The following NKAIN2 variants were observed in gnomAD, a reference collection of about 807,000 sequenced individuals.
The protein encoded by NKAIN2 is sodium/potassium-transporting ATPase subunit beta-1-interacting protein 2.
NKAIN2 carries 14 observed loss-of-function variants against 32.6 expected under a neutral mutation model. The ratio of observed to expected loss-of-function variants is 0.43; its 90% CI spans 0.28 to 0.67. The LOEUF is 0.67. Among genes scored for constraint, NKAIN2 ranks in the 30% least tolerant of loss-of-function variants. The pLI is 0.17. For missense variants in NKAIN2, 198 were observed against 258.3 expected (o/e 0.77, Z 1.60); for synonymous variants, 80 against 87.2 (o/e 0.92, Z 0.46).
chr6:124,548,018 T>G (rs1039426394), intron 3 of NKAIN2, among the ~76,000 whole-genome samples: 9 of 152,174 alleles, frequency 5.9e-5, no homozygotes, highest in African/African-American at 2.2e-4. Flanking sequence ...TATTGTTGTG[T>G]GAAATTTGCA....
intron 3 of NKAIN2, among the ~76,000 whole-genome samples, chr6:124,615,302 A>C (rs1199013610): frequency 7.2e-5 from 11 of 152,218 alleles, no homozygotes; most frequent in African/African-American, 2.2e-4. Flanking sequence ...TATTTAGAAA[A>C]ATTTCAGCTA....
At chr6:124,405,215 T>C (rs332602) in intron 3 of NKAIN2, among the ~76,000 whole-genome samples, 24,648 of 152,122 alleles carry the variant, frequency 0.16, 2,289 homozygotes, top group East Asian at 0.24. Context: ...TTTGCAAATA[T>C]GTTTTGTAAG....
chr6:124,425,485 G>A (rs1417696276), intron 3 of NKAIN2, among the ~76,000 whole-genome samples: 1 of 151,952 alleles, frequency 6.6e-6, no homozygotes, highest in Non-Finnish European at 1.5e-5. Context: ...ACACAGCAAA[G>A]GAAAGTATCA....
chr6:124,517,586 GCTC>G (rs932707568), intron 3 of NKAIN2, among the ~76,000 whole-genome samples: 13 of 152,182 alleles, frequency 8.5e-5, no homozygotes, highest in African/African-American at 2.4e-4. Context: ...CCTCTACTCT[GCTC>G]CTCCTCCTTC....
intron 4 of NKAIN2, among the ~76,000 whole-genome samples, chr6:124,745,432 C>G (rs1406441352): frequency 6.6e-6 from 1 of 151,786 alleles, no homozygotes; most frequent in East Asian, 1.9e-4. Context: ...TAGAATATTT[C>G]CCATTAGTGG....
chr6:124,325,489 GA>G (rs371557048), intron 2 of NKAIN2, among the ~76,000 whole-genome samples: 58 of 151,900 alleles, frequency 3.8e-4, no homozygotes, highest in Middle Eastern at 3.4e-3. Context: ...AAAAAAACAG[GA>G]AAAAAATTGT....
intron 1 of NKAIN2, among the ~76,000 whole-genome samples, chr6:124,258,893 G>A (rs191988107): frequency 6.6e-6 from 1 of 152,284 alleles, no homozygotes; most frequent in Admixed American, 6.5e-5. Flanking sequence ...AGGTTACGTA[G>A]TTCCAAGGCA....
intron 3 of NKAIN2, among the ~76,000 whole-genome samples, chr6:124,409,286 A>G (rs1774029786): frequency 6.6e-6 from 1 of 152,138 alleles, no homozygotes; most frequent in African/African-American, 2.4e-5. Flanking sequence ...TTCAAAGGGA[A>G]TGCTTCCAGT....
At chr6:124,512,016 G>T (rs975056364) in intron 3 of NKAIN2, among the ~76,000 whole-genome samples, 2 of 152,212 alleles carry the variant, frequency 1.3e-5, no homozygotes, top group East Asian at 3.9e-4. Flanking sequence ...ATTTCCTTTT[G>T]CTTCCCTCAC....
chr6:124,813,062 G>A (rs1217736977), intron 5 of NKAIN2, among the ~76,000 whole-genome samples: 1 of 151,902 alleles, frequency 6.6e-6, no homozygotes, highest in Non-Finnish European at 1.5e-5. Flanking sequence ...TACAAGATGG[G>A]GATGAGAATA....
chr6:124,503,715 A>C (rs1276749004), intron 3 of NKAIN2, among the ~76,000 whole-genome samples: 1 of 152,172 alleles, frequency 6.6e-6, no homozygotes, highest in Non-Finnish European at 1.5e-5. Flanking sequence ...AGGCACAAAA[A>C]TAAAACTGAC....
chr6:124,184,277 C>G (rs977371531), intron 1 of NKAIN2, among the ~76,000 whole-genome samples: 44 of 152,048 alleles, frequency 2.9e-4, no homozygotes, highest in Non-Finnish European at 1.6e-4. Context: ...GATGTTATCT[C>G]TACCTGGGAA....
At chr6:124,130,158 A>T (rs1786393603) in intron 1 of NKAIN2, among the ~76,000 whole-genome samples, 2 of 152,120 alleles carry the variant, frequency 1.3e-5, no homozygotes, top group South Asian at 4.1e-4. Flanking sequence ...TCCTAGAGGG[A>T]AACTGTGAGA....
Position 123,899,941 on chromosome 6 carries a change from C to T in NKAIN2, c.54+95687C>T, listed in dbSNP as rs1030168960. Among the ~76,000 whole-genome samples, 18 of 152,192 alleles carry T rather than the reference C, an allele frequency of 1.2e-4. No homozygotes were observed. In the East Asian group the frequency reaches 2.1e-3, roughly 18 times the overall value. On this transcript the variant is annotated intron_variant, in intron 1 of 6. Transcript: ENST00000368417. ...CACTTCACTAGAACTGAGCCGAGCA[C>T]GGGAGTGTCAGCCAAGCATCTCTCT...
chr6:123,967,825 C>A (rs1051771665), intron 1 of NKAIN2, among the ~76,000 whole-genome samples: 2 of 152,034 alleles, frequency 1.3e-5, no homozygotes, highest in Non-Finnish European at 2.9e-5. Context: ...TCCTCCACTT[C>A]GATTATGTAC....
At chr6:123,963,998 T>C (rs1777967795) in intron 1 of NKAIN2, among the ~76,000 whole-genome samples, 1 of 152,140 alleles carries the variant, frequency 6.6e-6, no homozygotes, top group African/African-American at 2.4e-5. Context: ...GGCCAAACAT[T>C]GTTCTATCTT....
At chr6:124,624,645 C>T (rs1196283926) in intron 3 of NKAIN2, among the ~76,000 whole-genome samples, 3 of 152,154 alleles carry the variant, frequency 2.0e-5, no homozygotes, top group Non-Finnish European at 4.4e-5. Flanking sequence ...ATTTTCTGCA[C>T]CTTCCCCAAA....
chr6:123,956,366 G>A (rs892889634), intron 1 of NKAIN2, among the ~76,000 whole-genome samples: 1 of 152,110 alleles, frequency 6.6e-6, no homozygotes, highest in African/African-American at 2.4e-5. Context: ...ATTAAATAAG[G>A]TCATAAGGGT....
chr6:124,473,756 T>C (rs1562206912), intron 3 of NKAIN2, among the ~76,000 whole-genome samples: 1 of 152,284 alleles, frequency 6.6e-6, no homozygotes, highest in East Asian at 1.9e-4. Flanking sequence ...ACTTCTAAGA[T>C]GCTGATTCAC....
Sources: gnomAD v4.1 joint callset for allele counts (sites outside exome capture counted in the v4.1 genomes callset) on GRCh38, gnomAD v4.1.1 for gene constraint, MANE v1.5 for transcripts, NCBI Gene and HGNC (gene_info 2026-07-23, HGNC 2026-07-21) for gene names.